Variants in PTPRU observed in about 807,000 individuals in gnomAD.
PTPRU encodes the protein protein tyrosine phosphatase receptor type U.
PTPRU carries 69 observed loss-of-function variants against 166.3 expected under a neutral mutation model. The ratio of observed to expected loss-of-function variants is 0.41; its 90% CI spans 0.34 to 0.51. The LOEUF (loss-of-function observed/expected upper bound fraction) is 0.51. Ranked by LOEUF, PTPRU falls within the 20% of genes least tolerant of loss-of-function variation. PTPRU has a pLI of 0.09. For synonymous variants in PTPRU, 793 were observed against 814.0 expected, an observed-to-expected ratio of 0.97 and a Z score of 0.44; for missense variants, 1,657 against 2,013.7, an observed-to-expected ratio of 0.82 and a Z score of 3.39.
intron 1 of PTPRU, among the ~76,000 whole-genome samples, chr1:29,245,641 C>T (rs1472572776): frequency 6.6e-6 from 1 of 152,202 alleles, no homozygotes; most frequent in Non-Finnish European, 1.5e-5. Context: ...TCTGCATTGT[C>T]CCATTGGACC....
chr1:29,282,668 C>T lies in PTPRU; in HGVS notation c.1869-8C>T. 6.2e-7 allele frequency: 1 copy of T among 1,611,032 alleles called. No individual in the cohort carries two copies. Among genetic ancestry groups the T allele is most frequent in the Non-Finnish European group, 8.5e-7 (1 of 1,179,334 alleles). On this transcript the variant is annotated splice_region_variant and splice_polypyrimidine_tract_variant and intron_variant, in intron 11 of 29. Coordinates refer to ENST00000373779, the MANE Select transcript of PTPRU (RefSeq NM_133178.4). Reference sequence around the variant, plus strand: ...TGTGATCCCCTGTACGCTCTCCTCCCTGTCCAGTGTGTACCAGGTGATTGT... The same window carrying T: ...TGTGATCCCCTGTACGCTCTCCTCCTTGTCCAGTGTGTACCAGGTGATTGT...
intron 7 of PTPRU, among the ~76,000 whole-genome samples, chr1:29,270,796 T>G (rs1685528128): frequency 6.6e-6 from 1 of 152,048 alleles, no homozygotes; most frequent in South Asian, 2.1e-4. Flanking sequence ...AAACCCTGTC[T>G]CTACAAAAAA....
chr1:29,253,561 TATAA>T (rs1324067388), intron 1 of PTPRU, among the ~76,000 whole-genome samples: 1 of 152,044 alleles, frequency 6.6e-6, no homozygotes, highest in African/African-American at 2.4e-5. Context: ...GTTTTATATA[TATAA>T]ATAAATATGT....
intron 18 of PTPRU, chr1:29,307,039 G>A: frequency 1.4e-6 from 2 of 1,450,768 alleles, no homozygotes; most frequent in Non-Finnish European, 1.9e-6. Context: ...GCCCATTCTG[G>A]CCACTCCTGT....
intron 26 of PTPRU, among the ~76,000 whole-genome samples, chr1:29,321,196 AT>A (rs71025210): frequency 0.091 from 9,126 of 100,278 alleles, 427 homozygotes; most frequent in African/African-American, 0.19. Flanking sequence ...CAGCTGTCTG[AT>A]TTTTTTTTTT....
chr1:29,316,046 G>A lies in PTPRU; in HGVS notation c.3408G>A (p.Leu1136=). 6.2e-7 allele frequency: 1 copy of A among 1,614,068 alleles called. No individual in the cohort carries two copies. The highest frequency in any genetic ancestry group is 8.5e-7 in the Non-Finnish European group (1 of 1,179,914). Residue 1136 remains leucine (L), a synonymous_variant, in exon 24 of 30, where the codon CTG becomes CTA. Coordinates refer to ENST00000373779, the MANE Select transcript of PTPRU (RefSeq NM_133178.4). ...FIHDAILEAC[L]CGETTIPVSE... is the part of the protein sequence containing the mutation. ...ATGATGCAATCCTGGAGGCCTGCCT[G>A]TGTGGGGAGACCACCATCCCTGTCA...
chr1:29,259,603 GA>G, intron 5 of PTPRU, 39 bp downstream of exon 5: 5 of 1,292,124 alleles, frequency 3.9e-6, no homozygotes, highest in South Asian at 1.3e-5. Context: ...GGCGGGGTGG[GA>G]GGGGGTTGGT....
At chr1:29,282,548 T>G (rs1399938595) in intron 11 of PTPRU, 128 bp from the exon 12 acceptor site, 8 of 1,289,602 alleles carry the variant, frequency 6.2e-6, no homozygotes, top group Admixed American at 5.4e-5. Context: ...GCCCAGCTAG[T>G]AAGGAGCAGT....
Position 29,260,732 on chromosome 1 carries a change from C to A in PTPRU, c.973C>A (p.Arg325Ser). 6.2e-7 allele frequency: 1 copy of A among 1,609,688 alleles called. No homozygotes were observed. The stretch of plus-strand genomic sequence containing the variant: ...GATCGTGCGCAAGGAGATTGAGTAC[C>A]GCATGGCGCGCGGGCCCTGGGCTGA... Reference protein sequence around the residue: ...GPIVRKEIEYRMARGPWAEVH... With the variant: ...GPIVRKEIEYSMARGPWAEVH... The change falls in exon 7 of 30, where the codon CGC becomes AGC. Residue 325 changes from arginine to serine, a missense_variant. Around this residue, in one of 3 missense-constraint regions of PTPRU, gnomAD observed 453 missense variants for 496.9 expected, o/e 0.91. Transcript: ENST00000373779. This position sits in a 1 kb window ranked among gnomAD's most constrained non-coding sequence, Gnocchi z 8.3.
At chr1:29,244,118 G>A (rs893751942) in intron 1 of PTPRU, among the ~76,000 whole-genome samples, 2 of 152,130 alleles carry the variant, frequency 1.3e-5, no homozygotes, top group African/African-American at 4.8e-5. Context: ...AGATGGGGCT[G>A]TTAGGAAGGG....
chr1:29,288,855 C>T (rs900000385), intron 14 of PTPRU, among the ~76,000 whole-genome samples: 17 of 152,172 alleles, frequency 1.1e-4, no homozygotes, highest in East Asian at 3.9e-4. Context: ...CTCAGCTTCC[C>T]CGCCTATGAA....
At chr1:29,308,566 CAAAAAAA>C (rs754278193) in intron 18 of PTPRU, among the ~76,000 whole-genome samples, 1 of 79,638 alleles carries the variant, frequency 1.3e-5, no homozygotes, top group African/African-American at 5.7e-5. Context: ...GTCCCTGTCT[CAAAAAAA>C]AAAAAAAAAA....
intron 7 of PTPRU, among the ~76,000 whole-genome samples, chr1:29,267,076 A>C (rs919111764): frequency 1.3e-5 from 2 of 152,118 alleles, no homozygotes; most frequent in Non-Finnish European, 2.9e-5. Flanking sequence ...CAACAGCAAC[A>C]ATAATTAGCT....
chr1:29,312,511 G>A (rs1687710855), intron 21 of PTPRU, 41 bp from the exon 22 acceptor site: 1 of 1,534,438 alleles, frequency 6.5e-7, no homozygotes, highest in African/African-American at 1.4e-5. Context: ...GGTGACAGAT[G>A]CTGCCAGGGA....
intron 18 of PTPRU, chr1:29,305,679 A>C (rs1450787596): frequency 1.5e-6 from 1 of 678,204 alleles, no homozygotes; most frequent in Non-Finnish European, 2.7e-6. Context: ...CAAAGGGAAG[A>C]GGCAGACAGC....
intron 16 of PTPRU, 23 bp from the exon 17 acceptor site, chr1:29,304,751 A>ACC: frequency 1.9e-6 from 3 of 1,591,104 alleles, no homozygotes; most frequent in Non-Finnish European, 2.6e-6. Flanking sequence ...TCTCCCACTG[A>ACC]CCACCACTTT....
In PTPRU at chr1:29,302,549, AT is replaced by A. The variant is rs971385459; in HGVS notation, c.2477-1297del. ...TTATACAGGTGTATCATTTATTATG[AT>A]TTTTTTTTCTTTTTTTTGAGACAGA... is the stretch of plus-strand genomic sequence containing the variant. On this transcript the variant is annotated intron_variant, in intron 15 of 29. Transcript: ENST00000373779. Among the ~76,000 whole-genome samples, 24 of 150,858 alleles carry A rather than the reference AT, an allele frequency of 1.6e-4. No individual in the cohort carries two copies. In the East Asian group the frequency reaches 3.1e-3, roughly 20 times the overall value.
rs1307400554 is a variant in PTPRU at position 29,283,119 on chromosome 1, C to G, written c.2142+170C>G. 2.7e-5 allele frequency among the ~76,000 whole-genome samples: 4 copies of G among 149,550 alleles called. No individual in the cohort carries two copies. The South Asian group carries it at 8.5e-4, about 32-fold the overall frequency. On this transcript the variant is annotated intron_variant, in intron 12 of 29. Coordinates refer to ENST00000373779, the MANE Select transcript of PTPRU (RefSeq NM_133178.4). The stretch of plus-strand genomic sequence containing the variant: ...CTCCTCCTACAGCCCACCCCCATAG[C>G]CCTACCTCCTGTAGCCCCACCTCCC...
At chr1:29,249,345 A>G (rs1171119082) in intron 1 of PTPRU, among the ~76,000 whole-genome samples, 1 of 152,178 alleles carries the variant, frequency 6.6e-6, no homozygotes, top group African/African-American at 2.4e-5. Flanking sequence ...CTGCCTTCCC[A>G]AATTGTGGCT....
Sources: gnomAD v4.1 joint callset for allele counts (sites outside exome capture counted in the v4.1 genomes callset) on GRCh38, gnomAD v4.1.1 for gene constraint, gnomAD v4.1.1 regional missense constraint, Gnocchi (gnomAD v3.1) non-coding constraint, MANE v1.5 for transcripts, NCBI Gene and HGNC (gene_info 2026-07-23, HGNC 2026-07-21) for gene names.